The following ANXA8 variants were observed in gnomAD, a reference collection of about 807,000 sequenced individuals.
ANXA8 encodes the protein VAC-beta.
ANXA8 carries 9 observed loss-of-function variants against 26.8 expected under a neutral mutation model. The ratio of observed to expected loss-of-function variants is 0.34; its 90% confidence interval spans 0.20 to 0.59. The LOEUF (loss-of-function observed/expected upper bound fraction) is 0.59, where lower values mean the gene tolerates loss of function less well. Among genes scored for constraint, ANXA8 ranks in the 20% least tolerant of loss-of-function variants. The pLI is 0.84. For missense variants in ANXA8, 83 were observed against 238.5 expected (o/e 0.35, Z 4.29); for synonymous variants, 39 against 94.8 (o/e 0.41, Z 3.42).
At chr10:47,733,147 T>TCC in the ANXA8 span, among the ~76,000 whole-genome samples, 1 of 51,630 alleles carries the variant, frequency 1.9e-5, no homozygotes, top group Non-Finnish European at 4.2e-5. Context: ...TCCCTAATCT[T>TCC]TCTTTCTTTC....
At chr10:47,716,486 C>CA in the ANXA8 span, among the ~76,000 whole-genome samples, 1 of 126,096 alleles carries the variant, frequency 7.9e-6, no homozygotes, top group African/African-American at 3.5e-5. Context: ...AATATGTTTT[C>CA]CAATATATGA....
chr10:47,636,695 C>T, the ANXA8 span, among the ~76,000 whole-genome samples: 8 of 152,066 alleles, frequency 5.3e-5, no homozygotes, highest in South Asian at 6.2e-4. Flanking sequence ...GAGCAGGGTA[C>T]GAAGGACCTT....
the ANXA8 span, among the ~76,000 whole-genome samples, chr10:47,489,194 A>AT: frequency 7.2e-6 from 1 of 138,366 alleles, no homozygotes; most frequent in Non-Finnish European, 1.5e-5. Flanking sequence ...ATTTTTATGT[A>AT]TTTTTAGTAG....
At chr10:47,650,801 C>T in the ANXA8 span, among the ~76,000 whole-genome samples, 9 of 139,092 alleles carry the variant, frequency 6.5e-5, no homozygotes, top group East Asian at 6.2e-4. Flanking sequence ...AGCGAGACTC[C>T]GTCTCAAAAA....
the ANXA8 span, chr10:47,970,154 C>T: frequency 6.6e-6 from 1 of 151,292 alleles, no homozygotes; most frequent in Non-Finnish European, 1.5e-5. Context: ...TTAACACTCC[C>T]TCCCTCACTC....
chr10:47,685,985 G>A, the ANXA8 span, among the ~76,000 whole-genome samples: 1 of 149,368 alleles, frequency 6.7e-6, no homozygotes, highest in Non-Finnish European at 1.5e-5. Flanking sequence ...CTTGGGTAAG[G>A]CAATTAGGGC....
At chr10:47,987,660 G>A in the ANXA8 span, among the ~76,000 whole-genome samples, 4 of 149,882 alleles carry the variant, frequency 2.7e-5, no homozygotes, top group East Asian at 4.0e-4. Context: ...GGCTTACCGA[G>A]GTATTGCAGA....
the ANXA8 span, among the ~76,000 whole-genome samples, chr10:47,918,352 GGAGGGAGA>G: frequency 6.2e-5 from 1 of 16,096 alleles, no homozygotes; most frequent in Admixed American, 6.8e-4. Context: ...GGAGGGGGAG[GGAGGGAGA>G]GAGAGAGAGA....
the ANXA8 span, among the ~76,000 whole-genome samples, chr10:47,977,686 A>T: frequency 6.6e-6 from 1 of 151,546 alleles, no homozygotes; most frequent in Non-Finnish European, 1.5e-5. Flanking sequence ...ATAAAAAATT[A>T]TTAACCAGAG....
the ANXA8 span, among the ~76,000 whole-genome samples, chr10:47,597,658 A>G: frequency 1.6e-5 from 1 of 61,026 alleles, no homozygotes; most frequent in African/African-American, 7.3e-5. Flanking sequence ...CATTTACAAG[A>G]GCCACAGAAA....
chr10:47,674,823 C>T, the ANXA8 span, among the ~76,000 whole-genome samples: 10 of 151,630 alleles, frequency 6.6e-5, no homozygotes, highest in South Asian at 2.1e-4. Context: ...TCAAGTTGTT[C>T]CAGCTTTGGC....
At chr10:47,699,918 A>G in the ANXA8 span, among the ~76,000 whole-genome samples, 1 of 151,876 alleles carries the variant, frequency 6.6e-6, no homozygotes, top group East Asian at 1.9e-4. Flanking sequence ...CATTTACTAT[A>G]GTAATAAAGA....
At chr10:47,585,236 C>T in the ANXA8 span, among the ~76,000 whole-genome samples, 2 of 98,258 alleles carry the variant, frequency 2.0e-5, no homozygotes, top group African/African-American at 8.6e-5. Flanking sequence ...TGCACTCCAG[C>T]CTGAGAGACA....
At chr10:47,747,856 A>G in the ANXA8 span, among the ~76,000 whole-genome samples, 9 of 152,154 alleles carry the variant, frequency 5.9e-5, no homozygotes, top group South Asian at 1.7e-3. Flanking sequence ...TGAAATGGAA[A>G]TTTAAAACTT....
At chr10:47,720,232 C>T in the ANXA8 span, among the ~76,000 whole-genome samples, 12 of 145,250 alleles carry the variant, frequency 8.3e-5, 1 homozygote, top group South Asian at 1.5e-3. Context: ...ACCCAGGAAT[C>T]GTTATAGGAA....
At chr10:47,546,119 G>A in the ANXA8 span, among the ~76,000 whole-genome samples, 3 of 128,960 alleles carry the variant, frequency 2.3e-5, no homozygotes, top group African/African-American at 8.3e-5. Context: ...CAAATAACAG[G>A]TCTCTGACAT....
At chr10:47,944,179 G>C in the ANXA8 span, among the ~76,000 whole-genome samples, 1 of 145,340 alleles carries the variant, frequency 6.9e-6, no homozygotes, top group African/African-American at 2.7e-5. Flanking sequence ...CTCTTTCATA[G>C]ATGGCGCCTT....
the ANXA8 span, among the ~76,000 whole-genome samples, chr10:47,944,067 G>A: frequency 4.1e-4 from 61 of 147,330 alleles, 3 homozygotes; most frequent in African/African-American, 1.4e-3. Context: ...CATACACCAC[G>A]TGGCACGTGG....
chr10:47,649,460 A>T, the ANXA8 span, among the ~76,000 whole-genome samples: 2 of 151,398 alleles, frequency 1.3e-5, no homozygotes, highest in East Asian at 1.9e-4. Context: ...CCCAGGCTGG[A>T]GTCAGTGGTG....
Sources: allele counts gnomAD v4.1 joint callset (sites outside exome capture counted in the v4.1 genomes callset), GRCh38; gene constraint gnomAD v4.1.1; transcripts MANE v1.5; gene names NCBI Gene and HGNC (gene_info 2026-07-23, HGNC 2026-07-21).